The following TMED10 variants were observed in gnomAD, a reference collection of about 807,000 sequenced individuals.
TMED10 encodes transmembrane emp24 domain-containing protein 10.
TMED10 carries 7 observed loss-of-function variants against 23.1 expected under a neutral mutation model. The ratio of observed to expected loss-of-function variants is 0.30; its 90% confidence interval spans 0.17 to 0.57. The LOEUF (loss-of-function observed/expected upper bound fraction) is 0.57. TMED10 is among the 20% of genes least tolerant of loss of function. The pLI is 0.91. For missense variants in TMED10, 162 were observed against 274.8 expected (o/e 0.59, Z 2.90); for synonymous variants, 113 against 106.9 (o/e 1.06, Z -0.35).
intron 3 of TMED10, chr14:75,139,121 T>G: frequency 2.2e-6 from 1 of 453,176 alleles, no homozygotes; most frequent in Non-Finnish European, 4.4e-6. Context: ...GTAAAGATGC[T>G]TATAAACTTG....
chr14:75,136,325 A>C (rs28505815), intron 3 of TMED10, among the ~76,000 whole-genome samples: 4,141 of 152,146 alleles, frequency 0.027, 218 homozygotes, highest in African/African-American at 0.095. Context: ...CACCCAGCTA[A>C]TTTTTATACT....
At chr14:75,157,894 C>G (rs953636073) in intron 1 of TMED10, among the ~76,000 whole-genome samples, 1 of 151,266 alleles carries the variant, frequency 6.6e-6, no homozygotes, top group African/African-American at 2.4e-5. Context: ...GAGCTGAGAT[C>G]GCACCACTGC....
At chr14:75,176,095 A>T in intron 1 of TMED10, 1 of 548,276 alleles carries the variant, frequency 1.8e-6, no homozygotes. Flanking sequence ...TAGGACGTTG[A>T]CAACCGCCCC....
intron 1 of TMED10, among the ~76,000 whole-genome samples, chr14:75,164,571 ATATATATT>A (rs1896135210): frequency 9.5e-4 from 2 of 2,110 alleles, no homozygotes; most frequent in African/African-American, 1.4e-3. Context: ...ATATATATAT[ATATATATT>A]TTTTTTTTTT....
intron 1 of TMED10, among the ~76,000 whole-genome samples, chr14:75,164,013 T>C (rs1207637983): frequency 6.6e-6 from 1 of 152,184 alleles, no homozygotes; most frequent in South Asian, 2.1e-4. Flanking sequence ...ATTATTGTTA[T>C]AACTGTTGGT....
chr14:75,134,598 A>G lies in TMED10; in HGVS notation c.*287T>C. On this transcript the variant is annotated 3_prime_UTR_variant, in exon 5 of 5. Transcript: ENST00000303575. ...ACAAGGGAACCCAGGACAAATGCTG[A>G]CTTTGGCATTATCTAGGTAACCCCT... 3.3e-6 allele frequency: 1 copy of G among 301,078 alleles called. No homozygotes were observed. Among genetic ancestry groups the G allele is most frequent in the Non-Finnish European group, 6.5e-6 (1 of 154,604 alleles). The allele number at this position is 301,078 out of a possible 1,614,324, so 18.7% of individuals were successfully genotyped here. A position where few individuals can be genotyped will look rare whatever the true frequency, so the allele number is the denominator to read the frequency against.
intron 3 of TMED10, among the ~76,000 whole-genome samples, chr14:75,145,373 T>C (rs1895870656): frequency 6.6e-6 from 1 of 152,170 alleles, no homozygotes; most frequent in African/African-American, 2.4e-5. Context: ...GGTTCTAAAA[T>C]GCTATACGAC....
At chr14:75,155,225 G>A (rs1267330075) in intron 1 of TMED10, among the ~76,000 whole-genome samples, 1 of 152,170 alleles carries the variant, frequency 6.6e-6, no homozygotes, top group Non-Finnish European at 1.5e-5. Flanking sequence ...TTTCCAAACT[G>A]CTGGGATTAC....
chr14:75,143,011 AC>A (rs1473571168), intron 3 of TMED10, among the ~76,000 whole-genome samples: 5 of 152,102 alleles, frequency 3.3e-5, no homozygotes, highest in African/African-American at 1.2e-4. Flanking sequence ...GGCGCCTGCC[AC>A]CACACCCAGC....
At chr14:75,166,739 A>G (rs1049536916) in intron 1 of TMED10, among the ~76,000 whole-genome samples, 1 of 152,218 alleles carries the variant, frequency 6.6e-6, no homozygotes, top group Non-Finnish European at 1.5e-5. Context: ...TTAAATGTCA[A>G]TGTACCAATT....
At chr14:75,158,529 T>C (rs1051994877) in intron 1 of TMED10, among the ~76,000 whole-genome samples, 2 of 152,050 alleles carry the variant, frequency 1.3e-5, no homozygotes, top group African/African-American at 2.4e-5. Context: ...GGTCTCCCTA[T>C]GTTGCCCAGG....
At chr14:75,170,750 C>T (rs1896223621) in intron 1 of TMED10, among the ~76,000 whole-genome samples, 1 of 152,144 alleles carries the variant, frequency 6.6e-6, no homozygotes, top group Admixed American at 6.5e-5. Flanking sequence ...TGCATTTATC[C>T]TACCAATGTG....
chr14:75,155,447 TA>T (rs1233479415), intron 1 of TMED10, among the ~76,000 whole-genome samples: 1 of 152,254 alleles, frequency 6.6e-6, no homozygotes, highest in African/African-American at 2.4e-5. Flanking sequence ...GGGGAACTTT[TA>T]ATGTATTTGT....
At chr14:75,151,212 T>G (rs1003705483) in intron 2 of TMED10, among the ~76,000 whole-genome samples, 26 of 150,498 alleles carry the variant, frequency 1.7e-4, no homozygotes, top group South Asian at 8.4e-4. Flanking sequence ...GCCAGTTTTT[T>G]TTGTTGTTGT....
chr14:75,152,845 C>A (rs956210974), intron 1 of TMED10, among the ~76,000 whole-genome samples: 1 of 152,024 alleles, frequency 6.6e-6, no homozygotes, highest in Non-Finnish European at 1.5e-5. Flanking sequence ...CCTGGCTGGG[C>A]GCGGTGGCTC....
intron 1 of TMED10, among the ~76,000 whole-genome samples, chr14:75,159,055 A>C (rs1238093522): frequency 6.6e-6 from 1 of 152,198 alleles, no homozygotes; most frequent in Non-Finnish European, 1.5e-5. Flanking sequence ...TCCTTTCTTC[A>C]GAATCAGTTG....
At chr14:75,175,929 A>G (rs1026232466) in intron 1 of TMED10, 1 of 227,328 alleles carries the variant, frequency 4.4e-6, no homozygotes, top group Non-Finnish European at 8.9e-6. Flanking sequence ...GATGCTCAAT[A>G]AATAACATTT....
intron 3 of TMED10, among the ~76,000 whole-genome samples, chr14:75,138,827 T>TTC (rs1895786709): frequency 6.7e-6 from 1 of 150,320 alleles, no homozygotes; most frequent in South Asian, 2.1e-4. Flanking sequence ...TTTTTTTTTT[T>TTC]TTTTTATTTT....
chr14:75,142,636 C>T (rs1359746984), intron 3 of TMED10, among the ~76,000 whole-genome samples: 1 of 152,028 alleles, frequency 6.6e-6, no homozygotes, highest in African/African-American at 2.4e-5. Context: ...TTATCCTGTC[C>T]CTCCACACTA....
Sources: gnomAD v4.1 joint callset for allele counts (sites outside exome capture counted in the v4.1 genomes callset) on GRCh38, gnomAD v4.1.1 for gene constraint, MANE v1.5 for transcripts, NCBI Gene and HGNC (gene_info 2026-07-23, HGNC 2026-07-21) for gene names.